The following ANKS1B variants were observed in gnomAD, a reference collection of about 807,000 sequenced individuals.
ANKS1B encodes the protein ankyrin repeat and sterile alpha motif domain-containing protein 1B.
Under a neutral mutation model 148.3 loss-of-function variants are expected in ANKS1B, and 36 were observed. That is an observed-to-expected ratio of 0.24 (90% CI 0.19 to 0.32). The LOEUF is 0.32. Ranked by LOEUF, ANKS1B falls within the 10% of genes least tolerant of loss-of-function variation. The pLI is 1.00. For synonymous variants in ANKS1B, 542 were observed against 560.8 expected, an observed-to-expected ratio of 0.97 and a Z score of 0.47; for missense variants, 1,157 against 1,542.6, an observed-to-expected ratio of 0.75 and a Z score of 4.19.
chr12:98,756,385 G>C (rs2098243148), intron 25 of ANKS1B, among the ~76,000 whole-genome samples: 1 of 152,018 alleles, frequency 6.6e-6, no homozygotes. Context: ...CAGCCATGTG[G>C]AACTGTGAGT....
At chr12:98,746,827 T>C (rs2097905437) in intron 26 of ANKS1B, among the ~76,000 whole-genome samples, 1 of 152,204 alleles carries the variant, frequency 6.6e-6, no homozygotes, top group African/African-American at 2.4e-5. Context: ...GCATTTGAAG[T>C]AGATGAAACA....
chr12:99,458,447 A>T (rs1374583190), intron 10 of ANKS1B, among the ~76,000 whole-genome samples: 1 of 151,796 alleles, frequency 6.6e-6, no homozygotes, highest in Non-Finnish European at 1.5e-5. Context: ...ATTGAAAAAA[A>T]AAAAATACAA....
chr12:98,832,892 A>C (rs2099330396), intron 17 of ANKS1B, among the ~76,000 whole-genome samples: 1 of 152,176 alleles, frequency 6.6e-6, no homozygotes, highest in African/African-American at 2.4e-5. Context: ...ATTATTTCCC[A>C]AAAGCATAAA....
chr12:99,228,797 A>G (rs935600042), intron 14 of ANKS1B, among the ~76,000 whole-genome samples: 1 of 151,970 alleles, frequency 6.6e-6, no homozygotes, highest in Admixed American at 6.6e-5. Flanking sequence ...AACTATTTTG[A>G]CTCAAAACTG....
chr12:99,040,084 T>C (rs1195363512), intron 17 of ANKS1B, among the ~76,000 whole-genome samples: 1 of 152,190 alleles, frequency 6.6e-6, no homozygotes, highest in Non-Finnish European at 1.5e-5. Flanking sequence ...TCTGCTTATT[T>C]ACTGTAAGTC....
chr12:98,740,794 T>C (rs1242371103), downstream of ANKS1B, among the ~76,000 whole-genome samples: 2 of 152,226 alleles, frequency 1.3e-5, no homozygotes, highest in African/African-American at 4.8e-5. Flanking sequence ...ATAAGCTGTA[T>C]GCAGAAGTTG....
chr12:99,739,664 A>C lies in ANKS1B; in HGVS notation c.1128+33258T>G, dbSNP rs2059919769. 2.0e-5 allele frequency among the ~76,000 whole-genome samples: 3 copies of C among 152,086 alleles called. No individual in the cohort carries two copies. The South Asian group carries it at 6.2e-4, about 32-fold the overall frequency. ...TCTTTGACCATGTCATCTCCATGTC[A>C]TCTCTATGTCATCTCCGCCTCACTC... On this transcript the variant is annotated intron_variant, in intron 8 of 26. Transcript: ENST00000683438.
At chr12:99,062,777 G>T (rs760109251) in intron 16 of ANKS1B, among the ~76,000 whole-genome samples, 2 of 152,122 alleles carry the variant, frequency 1.3e-5, no homozygotes, top group African/African-American at 4.8e-5. Context: ...GGTTGAGAAG[G>T]GTCAGAGTCA....
chr12:99,518,193 T>C (rs545436918), intron 9 of ANKS1B, among the ~76,000 whole-genome samples: 1 of 152,262 alleles, frequency 6.6e-6, no homozygotes, highest in Admixed American at 6.5e-5. Context: ...TATGGGTCTT[T>C]GTCTGGTTTT....
chr12:99,349,924 T>TA (rs1049651506), intron 12 of ANKS1B, among the ~76,000 whole-genome samples: 1 of 152,070 alleles, frequency 6.6e-6, no homozygotes, highest in African/African-American at 2.4e-5. Context: ...TTGTATAATT[T>TA]AAAATGTTTA....
chr12:99,309,310 T>C (rs1461907597), intron 12 of ANKS1B, among the ~76,000 whole-genome samples: 2 of 152,086 alleles, frequency 1.3e-5, no homozygotes, highest in Non-Finnish European at 2.9e-5. Context: ...TTCAATTTTA[T>C]GAGTGTGGAA....
intron 8 of ANKS1B, among the ~76,000 whole-genome samples, chr12:99,741,515 G>A (rs1487971300): frequency 6.6e-6 from 1 of 152,066 alleles, no homozygotes; most frequent in African/African-American, 2.4e-5. Flanking sequence ...TCAATGATAG[G>A]CTGGATAAAG....
At chr12:98,892,018 G>A (rs537932532) in intron 17 of ANKS1B, among the ~76,000 whole-genome samples, 1 of 152,342 alleles carries the variant, frequency 6.6e-6, no homozygotes, top group East Asian at 1.9e-4. Flanking sequence ...TTTTACTCAT[G>A]ATCGTTAATG....
At chr12:99,097,975 T>C (rs1599912330) in intron 15 of ANKS1B, among the ~76,000 whole-genome samples, 1 of 152,200 alleles carries the variant, frequency 6.6e-6, no homozygotes, top group African/African-American at 2.4e-5. Flanking sequence ...ACTTACATAA[T>C]GGTGAGGGAG....
chr12:99,045,179 A>C (rs2099961508), intron 17 of ANKS1B, among the ~76,000 whole-genome samples: 1 of 152,208 alleles, frequency 6.6e-6, no homozygotes, highest in Admixed American at 6.5e-5. Context: ...TCTCTTCTTG[A>C]TACATGGGTT....
intron 10 of ANKS1B, among the ~76,000 whole-genome samples, chr12:99,494,051 A>C (rs1458871316): frequency 4.6e-5 from 7 of 152,210 alleles, no homozygotes; most frequent in African/African-American, 1.7e-4. Context: ...ATCACAATAG[A>C]GAAGGAGCAC....
intron 12 of ANKS1B, among the ~76,000 whole-genome samples, chr12:99,279,205 C>A (rs2153997297): frequency 6.6e-6 from 1 of 152,264 alleles, no homozygotes. Context: ...TCTGCCAACC[C>A]TTCTTTTCAG....
intron 25 of ANKS1B, among the ~76,000 whole-genome samples, chr12:98,767,307 C>T (rs762204892): frequency 6.6e-6 from 1 of 152,124 alleles, no homozygotes; most frequent in African/African-American, 2.4e-5. Flanking sequence ...ATCACACAGT[C>T]GGATGACCAT....
intron 8 of ANKS1B, among the ~76,000 whole-genome samples, chr12:99,752,637 G>A (rs752757176): frequency 3.0e-4 from 45 of 151,842 alleles, no homozygotes; most frequent in Non-Finnish European, 5.5e-4. Flanking sequence ...TGTTTTGTAG[G>A]ATATTGATAC....
Sources: gnomAD v4.1 joint callset for allele counts (sites outside exome capture counted in the v4.1 genomes callset) on GRCh38, gnomAD v4.1.1 for gene constraint, MANE v1.5 for transcripts, NCBI Gene and HGNC (gene_info 2026-07-23, HGNC 2026-07-21) for gene names.